Variants in RARB observed in about 807,000 individuals in gnomAD.
RARB encodes the protein retinoic acid receptor beta.
In RARB, 17 loss-of-function variants were observed where a neutral mutation model predicts 51.9. The ratio of observed to expected loss-of-function variants is 0.33; its 90% confidence interval spans 0.22 to 0.49. RARB has a LOEUF of 0.49. RARB is among the 20% of genes least tolerant of loss of function. The pLI, the probability that RARB is intolerant of heterozygous loss-of-function variation, is 0.99. For synonymous variants in RARB, 215 were observed against 195.4 expected, an observed-to-expected ratio of 1.10 and a Z score of -0.84; for missense variants, 369 against 550.8, an observed-to-expected ratio of 0.67 and a Z score of 3.30.
chr3:25,528,549 G>A (rs531953168), intron 3 of RARB, among the ~76,000 whole-genome samples: 2 of 152,042 alleles, frequency 1.3e-5, no homozygotes, highest in South Asian at 2.1e-4. Flanking sequence ...TAGAAGGAAG[G>A]GAGGACTCCC....
chr3:25,397,156 C>G (rs1317368378), intron 5 of RARB, among the ~76,000 whole-genome samples: 4 of 152,222 alleles, frequency 2.6e-5, no homozygotes, highest in East Asian at 1.9e-4. Flanking sequence ...GCAGCCCTCC[C>G]CAAGGGTCCC....
At chr3:25,308,850 G>T (rs1186708919) in intron 5 of RARB, among the ~76,000 whole-genome samples, 2 of 152,146 alleles carry the variant, frequency 1.3e-5, no homozygotes, top group African/African-American at 4.8e-5. Context: ...ATGTTCCTCT[G>T]TTTGCACTAA....
intron 5 of RARB, among the ~76,000 whole-genome samples, chr3:25,201,405 G>A (rs57970147): frequency 0.054 from 8,227 of 152,064 alleles, 248 homozygotes; most frequent in Middle Eastern, 0.1. Flanking sequence ...CCCTTTTCCT[G>A]ATTGAATATC....
intron 3 of RARB, among the ~76,000 whole-genome samples, chr3:25,098,481 A>T (rs1462265550): frequency 1.3e-5 from 2 of 152,208 alleles, no homozygotes; most frequent in Non-Finnish European, 2.9e-5. Context: ...CCTGTGTAAT[A>T]TTGGGTAAAG....
At chr3:25,054,578 C>G (rs1698400089) in intron 2 of RARB, among the ~76,000 whole-genome samples, 1 of 152,122 alleles carries the variant, frequency 6.6e-6, no homozygotes, top group Non-Finnish European at 1.5e-5. Context: ...AAGGCTGACT[C>G]TCAACAGTGT....
intron 2 of RARB, among the ~76,000 whole-genome samples, chr3:24,876,545 G>A (rs1247475971): frequency 6.6e-6 from 1 of 152,074 alleles, no homozygotes; most frequent in Non-Finnish European, 1.5e-5. Flanking sequence ...CTGAGCAAGT[G>A]AACATATTAG....
chr3:24,869,593 C>G (rs2125348144), intron 2 of RARB, among the ~76,000 whole-genome samples: 1 of 152,162 alleles, frequency 6.6e-6, no homozygotes, highest in Non-Finnish European at 1.5e-5. Flanking sequence ...TGTAAATTGA[C>G]AGTTGTATGA....
chr3:24,949,253 A>T (rs1384019452), intron 2 of RARB, among the ~76,000 whole-genome samples: 3 of 152,332 alleles, frequency 2.0e-5, no homozygotes, highest in East Asian at 3.9e-4. Context: ...GCTGTGTTGC[A>T]GATGGGAAAA....
intron 5 of RARB, among the ~76,000 whole-genome samples, chr3:25,591,879 T>A (rs1436564571): frequency 6.6e-6 from 1 of 152,212 alleles, no homozygotes; most frequent in Non-Finnish European, 1.5e-5. Context: ...GGCTGGCTCC[T>A]AGGTCACTGC....
chr3:25,327,789 G>T (rs1704769290), intron 5 of RARB, among the ~76,000 whole-genome samples: 1 of 152,288 alleles, frequency 6.6e-6, no homozygotes, highest in Admixed American at 6.5e-5. Flanking sequence ...AGCTGAGATT[G>T]GATGCAAACA....
intron 2 of RARB, among the ~76,000 whole-genome samples, chr3:24,939,979 G>C (rs571886201): frequency 3.9e-5 from 6 of 152,236 alleles, no homozygotes; most frequent in African/African-American, 1.4e-4. Context: ...GATAAATTTT[G>C]TGATTCTAAT....
intron 5 of RARB, among the ~76,000 whole-genome samples, chr3:25,184,136 G>GT (rs11425749): frequency 0.27 from 40,717 of 148,580 alleles, 5,819 homozygotes; most frequent in African/African-American, 0.33. Context: ...AGAGTTTGTT[G>GT]TTTTTTTTTT....
At chr3:25,297,504 G>T (rs1384331487) in intron 5 of RARB, among the ~76,000 whole-genome samples, 4 of 138,556 alleles carry the variant, frequency 2.9e-5, no homozygotes, top group Non-Finnish European at 6.1e-5. Context: ...CCACAGAGAT[G>T]TAACATTATA....
chr3:25,335,348 G>C (rs1304736116), intron 5 of RARB, among the ~76,000 whole-genome samples: 1 of 152,200 alleles, frequency 6.6e-6, no homozygotes, highest in African/African-American at 2.4e-5. Context: ...AGAGCCAGTG[G>C]ATTTTTAAAA....
intron 5 of RARB, among the ~76,000 whole-genome samples, chr3:25,398,261 C>T (rs576097622): frequency 1.3e-5 from 2 of 152,212 alleles, no homozygotes; most frequent in African/African-American, 2.4e-5. Flanking sequence ...GGTTTCAAGG[C>T]TGGTCCATCA....
At position 25,017,474 on chromosome 3, in the gene RARB, G is replaced by C. The variant is rs532112091; in HGVS notation, c.-379-42651G>C. ...AATTGAGAAGGATTCTGAAGGTCAGGTTTCCCCTGGAGCATTGGCTTATCT... is the reference window on the plus strand; with the variant it reads ...AATTGAGAAGGATTCTGAAGGTCAGCTTTCCCCTGGAGCATTGGCTTATCT... On this transcript the variant is annotated intron_variant, in intron 2 of 11. Transcript: ENST00000383772. 9.2e-5 allele frequency among the ~76,000 whole-genome samples: 14 copies of C among 152,166 alleles called. 1 individual carries two copies. The East Asian group carries it at 2.3e-3, about 25-fold the overall frequency.
intron 5 of RARB, among the ~76,000 whole-genome samples, chr3:25,228,030 C>G (rs1243158423): frequency 3.3e-5 from 5 of 152,028 alleles, no homozygotes; most frequent in African/African-American, 1.2e-4. Context: ...TTATATCTTG[C>G]AGGTGATTTG....
chr3:24,907,440 G>A (rs546305533), intron 2 of RARB, among the ~76,000 whole-genome samples: 2 of 152,310 alleles, frequency 1.3e-5, no homozygotes, highest in African/African-American at 4.8e-5. Flanking sequence ...AAGGGATATA[G>A]GGAGAAGCCA....
intron 5 of RARB, among the ~76,000 whole-genome samples, chr3:25,204,061 T>C (rs1368173031): frequency 6.6e-6 from 1 of 152,248 alleles, no homozygotes; most frequent in Non-Finnish European, 1.5e-5. Flanking sequence ...CACTTTCGGG[T>C]ACACCAATCA....
Sources: allele counts gnomAD v4.1 joint callset (sites outside exome capture counted in the v4.1 genomes callset), GRCh38; gene constraint gnomAD v4.1.1; transcripts MANE v1.5; gene names NCBI Gene and HGNC (gene_info 2026-07-23, HGNC 2026-07-21).